FDX1: variants seen among roughly 807,000 people sequenced by gnomAD.
The protein encoded by FDX1 is ferredoxin 1.
Under a neutral mutation model 14.9 loss-of-function variants are expected in FDX1, and 9 were observed. The ratio of observed to expected loss-of-function variants is 0.60; its 90% confidence interval spans 0.36 to 1.05. The LOEUF is 1.05. FDX1 is among the 50% of genes least tolerant of loss of function. The pLI is 0.01. For missense variants in FDX1, 204 were observed against 237.2 expected (o/e 0.86, Z 0.92); for synonymous variants, 92 against 99.4 (o/e 0.93, Z 0.44).
chr11:110,458,302 C>T (rs1457269295), intron 3 of FDX1, among the ~76,000 whole-genome samples: 2 of 152,136 alleles, frequency 1.3e-5, no homozygotes, highest in South Asian at 2.1e-4. Flanking sequence ...CCAAGTTTTA[C>T]AGCTACACAA....
intron 3 of FDX1, among the ~76,000 whole-genome samples, chr11:110,458,797 G>A (rs556560128): frequency 2.8e-4 from 42 of 152,072 alleles, no homozygotes; most frequent in East Asian, 2.7e-3. Flanking sequence ...GAGTAGAGAC[G>A]GGGTTTCACC....
chr11:110,455,252 G>C (rs542480091), intron 2 of FDX1, among the ~76,000 whole-genome samples: 6 of 151,598 alleles, frequency 4.0e-5, no homozygotes, highest in African/African-American at 1.4e-4. Context: ...CATCTGCCTC[G>C]GCCTCCCGAA....
At chr11:110,441,558 A>G (rs1946404466) in intron 2 of FDX1, among the ~76,000 whole-genome samples, 1 of 152,186 alleles carries the variant, frequency 6.6e-6, no homozygotes. Flanking sequence ...TGCCCTAGAG[A>G]TTTGTGGAAC....
chr11:110,461,671 C>T (rs1223328217), intron 3 of FDX1, among the ~76,000 whole-genome samples: 1 of 151,792 alleles, frequency 6.6e-6, no homozygotes, highest in Non-Finnish European at 1.5e-5. Context: ...TCTTTTTAGA[C>T]TATTTTGAAA....
rs193057333 is a variant in FDX1 at position 110,431,498 on chromosome 11, C to G, written c.185+1193C>G. ...CTAATCCCGTTATCTAGTGGGTGCTCCATACATTTTTGTTGTGTGAACTTT... is the reference window on the plus strand; with the variant it reads ...CTAATCCCGTTATCTAGTGGGTGCTGCATACATTTTTGTTGTGTGAACTTT... On this transcript the variant is annotated intron_variant, in intron 1 of 3. Coordinates refer to ENST00000260270, the MANE Select transcript of FDX1 (RefSeq NM_004109.5). Among the ~76,000 whole-genome samples, 144 of 152,240 alleles carry G rather than the reference C, an allele frequency of 9.5e-4. 1 individual carries two copies. The highest frequency in any genetic ancestry group is 3.3e-3 in the African/African-American group (136 of 41,524).
intron 1 of FDX1, among the ~76,000 whole-genome samples, chr11:110,434,170 G>A (rs2134566110): frequency 6.6e-6 from 1 of 152,116 alleles, no homozygotes; most frequent in East Asian, 1.9e-4. Flanking sequence ...CATGTAAGGA[G>A]GTATTTATCT....
chr11:110,452,547 T>C (rs1027859685), intron 2 of FDX1, among the ~76,000 whole-genome samples: 4 of 151,784 alleles, frequency 2.6e-5, no homozygotes, highest in Non-Finnish European at 4.4e-5. Flanking sequence ...TTAGAGTTTC[T>C]CCTAGAGGCA....
chr11:110,442,235 C>A (rs1416964000), intron 2 of FDX1, among the ~76,000 whole-genome samples: 1 of 152,224 alleles, frequency 6.6e-6, no homozygotes, highest in African/African-American at 2.4e-5. Flanking sequence ...TTGGAGCCCC[C>A]ACACAGAGTC....
intron 2 of FDX1, among the ~76,000 whole-genome samples, chr11:110,454,081 G>A (rs1202432125): frequency 6.6e-6 from 1 of 152,194 alleles, no homozygotes; most frequent in East Asian, 1.9e-4. Context: ...GGACTAGAAT[G>A]TATAATGGGA....
rs1013536220 is a variant in FDX1 at position 110,463,111 on chromosome 11, A to G, written c.*643A>G. ...GGACGTAGACATTATAATGCTATCA[A>G]AGAAGTTTGATCTCTGTTTTGACTA... On this transcript the variant is annotated 3_prime_UTR_variant, in exon 4 of 4. Coordinates refer to ENST00000260270, the MANE Select transcript of FDX1 (RefSeq NM_004109.5). 2.6e-5 allele frequency: 4 copies of G among 152,266 alleles called. No homozygotes were observed. The highest frequency in any genetic ancestry group is 2.9e-5 in the Non-Finnish European group (2 of 68,054). 9.4% of individuals were successfully genotyped at this position (152,266 alleles called of 1,614,324 possible).
chr11:110,449,250 G>C (rs770221138), intron 2 of FDX1, among the ~76,000 whole-genome samples: 14 of 152,210 alleles, frequency 9.2e-5, no homozygotes, highest in Non-Finnish European at 5.9e-5. Flanking sequence ...GTACTAAAAT[G>C]TATATACTTT....
intron 2 of FDX1, among the ~76,000 whole-genome samples, chr11:110,447,669 T>C (rs927397730): frequency 6.6e-6 from 1 of 152,196 alleles, no homozygotes; most frequent in Non-Finnish European, 1.5e-5. Context: ...GTATATACTT[T>C]ACCCTCTCCC....
intron 1 of FDX1, among the ~76,000 whole-genome samples, chr11:110,432,168 G>T (rs1382466791): frequency 5.3e-5 from 8 of 152,064 alleles, no homozygotes; most frequent in Admixed American, 5.2e-4. Flanking sequence ...TTAACAACTC[G>T]ATAAGCTATC....
chr11:110,455,129 C>T (rs1253499997), intron 2 of FDX1, among the ~76,000 whole-genome samples: 2 of 152,160 alleles, frequency 1.3e-5, no homozygotes, highest in African/African-American at 2.4e-5. Context: ...GCCTCAGCCT[C>T]CCGAGTAGCT....
rs372905368 is a variant in FDX1 at position 110,435,731 on chromosome 11, T to C, written c.186-103T>C. 2.0e-5 allele frequency: 16 copies of C among 799,124 alleles called. No homozygotes were observed. In the African/African-American group the frequency reaches 2.1e-4, roughly 11 times the overall value. The allele number at this position is 799,124 out of a possible 1,614,324, so 49.5% of individuals were successfully genotyped here. On this transcript the variant is annotated intron_variant, in intron 1 of 3. Coordinates refer to ENST00000260270, the MANE Select transcript of FDX1 (RefSeq NM_004109.5). ...TTAGCCAGGCGTGGTGCTGGGCACC[T>C]GTATTCCCATCTACTCTGGAGGCCT...
chr11:110,458,741 G>A (rs1210329246), intron 3 of FDX1, among the ~76,000 whole-genome samples: 3 of 151,958 alleles, frequency 2.0e-5, no homozygotes, highest in Admixed American at 2.0e-4. Flanking sequence ...CCGAGTAGCT[G>A]GGATTACAGG....
chr11:110,440,017 C>G (rs1946395299), intron 2 of FDX1, among the ~76,000 whole-genome samples: 1 of 152,114 alleles, frequency 6.6e-6, no homozygotes, highest in South Asian at 2.1e-4. Context: ...GGTCTCTATT[C>G]TGTTCCTTTG....
intron 3 of FDX1, among the ~76,000 whole-genome samples, chr11:110,459,841 C>T (rs1264453017): frequency 6.6e-6 from 1 of 152,184 alleles, no homozygotes; most frequent in Non-Finnish European, 1.5e-5. Context: ...GAGTGAGAAA[C>T]TAGCCACAGA....
chr11:110,460,240 A>G (rs1298959831), intron 3 of FDX1, among the ~76,000 whole-genome samples: 4 of 152,136 alleles, frequency 2.6e-5, no homozygotes, highest in Non-Finnish European at 5.9e-5. Flanking sequence ...AGTAATCAGT[A>G]TTTCTCATGG....
Sources: gnomAD v4.1 joint callset for allele counts (sites outside exome capture counted in the v4.1 genomes callset) on GRCh38, gnomAD v4.1.1 for gene constraint, MANE v1.5 for transcripts, NCBI Gene and HGNC (gene_info 2026-07-23, HGNC 2026-07-21) for gene names.